PXMP2: variants seen among roughly 807,000 people sequenced by gnomAD.
The protein encoded by PXMP2 is 22 kDa peroxisomal membrane protein.
PXMP2 carries 13 observed loss-of-function variants against 20.2 expected under a neutral mutation model. The ratio of observed to expected loss-of-function variants is 0.64; its 90% CI spans 0.42 to 1.02. PXMP2 has a LOEUF of 1.02. Among genes scored for constraint, PXMP2 ranks in the 50% least tolerant of loss-of-function variants. The pLI, the probability that PXMP2 is intolerant of heterozygous loss-of-function variation, is 0.00. For missense variants in PXMP2, 284 were observed against 251.8 expected (o/e 1.13, Z -0.87); for synonymous variants, 113 against 111.2 (o/e 1.02, Z -0.10).
chr12:132,691,801 C>T lies in PXMP2; in HGVS notation c.236+1425C>T, dbSNP rs143936618. Among the ~76,000 whole-genome samples the T allele has an allele frequency of 3.4e-3, 517 of 152,324 alleles. 4 individuals are homozygous for T. Among genetic ancestry groups the T allele is most frequent in the African/African-American group, 0.012 (489 of 41,574 alleles). ...GAACCACTTATCTAAAGACTGTCAA[C>T]GTCACAAGTTGAAAGACCCCTCTTT... On this transcript the variant is annotated intron_variant, in intron 2 of 4. Transcript: ENST00000317479.
chr12:132,691,828 TG>T (rs2043368607), intron 2 of PXMP2, among the ~76,000 whole-genome samples: 1 of 152,244 alleles, frequency 6.6e-6, no homozygotes, highest in Non-Finnish European at 1.5e-5. Context: ...CCCCTCTTTT[TG>T]TTGCTGAATT....
chr12:132,691,873 G>T (rs887575471), intron 2 of PXMP2, among the ~76,000 whole-genome samples: 3 of 152,248 alleles, frequency 2.0e-5, no homozygotes, highest in African/African-American at 7.2e-5. Context: ...CCCAGTAGAT[G>T]TGGCAGCTGG....
At chr12:132,703,718 C>T (rs1187878423) in intron 4 of PXMP2, among the ~76,000 whole-genome samples, 4 of 151,942 alleles carry the variant, frequency 2.6e-5, no homozygotes, top group African/African-American at 9.7e-5. Flanking sequence ...ACAAAGACCT[C>T]TGGGCAGAGG....
At chr12:132,699,928 T>C (rs148327429) in intron 3 of PXMP2, among the ~76,000 whole-genome samples, 199 of 152,312 alleles carry the variant, frequency 1.3e-3, no homozygotes, top group Non-Finnish European at 2.0e-3. Flanking sequence ...TTTCAGGTCT[T>C]TGAGAAATTT....
At chr12:132,699,875 A>G (rs2043429224) in intron 3 of PXMP2, among the ~76,000 whole-genome samples, 1 of 152,058 alleles carries the variant, frequency 6.6e-6, no homozygotes, top group Admixed American at 6.6e-5. Context: ...TCCTTTGGGT[A>G]GAGGCCCAGT....
At chr12:132,700,677 G>A (rs576781563) in intron 3 of PXMP2, among the ~76,000 whole-genome samples, 7 of 152,118 alleles carry the variant, frequency 4.6e-5, no homozygotes, top group Admixed American at 4.6e-4. Flanking sequence ...GTTTAATGAA[G>A]TCCTGTTTGT....
chr12:132,698,972 G>A (rs900564781), intron 3 of PXMP2, among the ~76,000 whole-genome samples: 1 of 152,098 alleles, frequency 6.6e-6, no homozygotes, highest in African/African-American at 2.4e-5. Flanking sequence ...TTTTTAGTTT[G>A]TATATATTTA....
intron 1 of PXMP2, 111 bp downstream of exon 1, chr12:132,687,903 C>A: frequency 9.9e-7 from 1 of 1,010,092 alleles, no homozygotes; most frequent in South Asian, 4.7e-5. Flanking sequence ...GCGCCCGGGT[C>A]AGAACCCCCG....
chr12:132,702,372 G>C (rs1190198403), intron 4 of PXMP2: 1 of 262,748 alleles, frequency 3.8e-6, no homozygotes, highest in Non-Finnish European at 8.0e-6. Flanking sequence ...CTGGGCTGGT[G>C]GTGTGGAGGC....
In PXMP2 at chr12:132,696,082, G is replaced by A. The variant is rs756859871; in HGVS notation, c.399+36G>A. 7 of 1,552,786 alleles carry A rather than the reference G, an allele frequency of 4.5e-6. No homozygotes were observed. Among genetic ancestry groups the A allele is most frequent in the South Asian group, 2.4e-5 (2 of 82,514 alleles). On this transcript the variant is annotated intron_variant, in intron 3 of 4. Coordinates refer to ENST00000317479, the MANE Select transcript of PXMP2 (RefSeq NM_018663.3). This position sits in a 1 kb window ranked among gnomAD's most constrained non-coding sequence, Gnocchi z 4.4. ...GCCACAGCACTTACTGCAGCTCTTCGTTTAGCACAGGGATTCTTCACCTGA... is the reference window on the plus strand; with the variant it reads ...GCCACAGCACTTACTGCAGCTCTTCATTTAGCACAGGGATTCTTCACCTGA...
rs762956531 is a variant in PXMP2 at position 132,701,258 on chromosome 12, C to T, written c.408C>T (p.Asp136=). The T allele has an allele frequency of 8.1e-6, 13 of 1,613,586 alleles. No homozygotes were observed. In the Admixed American group the frequency reaches 1.2e-4, roughly 15 times the overall value. Residue 136 remains aspartate, a synonymous_variant, in exon 4 of 5, where the codon GAC becomes GAT. Coordinates refer to ENST00000317479, the MANE Select transcript of PXMP2 (RefSeq NM_018663.3). Reference sequence around the variant, plus strand: ...CCTTCCCTCCTTTGCAGGGGAAAGACGCCTCAGCCTTCGCCGCCAAGATGA... The same window carrying T: ...CCTTCCCTCCTTTGCAGGGGAAAGATGCCTCAGCCTTCGCCGCCAAGATGA... ...FLIMNFLEGK[D]ASAFAAKMRG... is the part of the protein sequence containing the mutation.
chr12:132,704,134 A>G (rs1277379367), intron 4 of PXMP2, among the ~76,000 whole-genome samples: 3 of 152,178 alleles, frequency 2.0e-5, no homozygotes, highest in Non-Finnish European at 4.4e-5. Flanking sequence ...TGCCAGGGAG[A>G]GACTCAGCAC....
At chr12:132,695,827 C>A in intron 2 of PXMP2, 57 bp from the exon 3 acceptor site, 1 of 1,533,094 alleles carries the variant, frequency 6.5e-7, no homozygotes, top group South Asian at 1.3e-5. Context: ...GAAGCTAGAC[C>A]AGAGAAGAGC....
rs879892393 is a variant in PXMP2, at chr12:132,700,216, A to AT, written c.400-1022dup. Among the ~76,000 whole-genome samples, 692 of 141,854 alleles carry AT rather than the reference A, an allele frequency of 4.9e-3. 3 individuals carry two copies. The highest frequency in any genetic ancestry group is 0.012 in the African/African-American group (483 of 38,846). The allele number at this position is 141,854 out of a possible 152,430, so 93.1% of individuals were successfully genotyped here. On this transcript the variant is annotated intron_variant, in intron 3 of 4. Transcript: ENST00000317479. ...GCCACCATGCCCAACTAATTTTTGT[A>AT]TTTTTTTTTTTTGGTAGAGACAGGG...
Position 132,687,743 on chromosome 12 carries a change from T to A in PXMP2, c.73T>A (p.Tyr25Asn), listed in dbSNP as rs1344076187. The A allele has an allele frequency of 2.5e-6, 3 of 1,222,182 alleles. No individual in the cohort carries two copies. In the East Asian group the frequency reaches 1.2e-4, roughly 49 times the overall value. 75.7% of individuals were successfully genotyped at this position (1,222,182 alleles called of 1,614,324 possible). ...GALPRRALAQYLLFLRLYPVL... is the reference protein window; with the variant it reads ...GALPRRALAQNLLFLRLYPVL... ...GCTGCCGCGGCGGGCGCTCGCCCAG[T>A]ACCTGCTCTTCCTGCGGCTCTACCC... The change falls in exon 1 of 5, where the codon TAC becomes AAC. Residue 25 changes from tyrosine (Y) to asparagine (N), a missense_variant. By Grantham distance (143) the Tyr-to-Asn change is moderately radical (BLOSUM62 -2). Coordinates refer to ENST00000317479, the MANE Select transcript of PXMP2 (RefSeq NM_018663.3).
intron 4 of PXMP2, 43 bp from the exon 5 acceptor site, chr12:132,704,576 G>A (rs763244435): frequency 1.4e-6 from 2 of 1,384,470 alleles, no homozygotes; most frequent in Non-Finnish European, 1.9e-6. Flanking sequence ...ACTGGCCACG[G>A]CCTCCCGCTG....
intron 2 of PXMP2, among the ~76,000 whole-genome samples, chr12:132,691,051 ATTTT>A (rs35869908): frequency 1.5e-5 from 2 of 133,732 alleles, no homozygotes; most frequent in Non-Finnish European, 1.6e-5. Context: ...TGTTATTTTA[ATTTT>A]TTTTTTTTTT....
chr12:132,692,522 GCCA>G (rs2043376091), intron 2 of PXMP2, among the ~76,000 whole-genome samples: 1 of 48,084 alleles, frequency 2.1e-5, no homozygotes, highest in Admixed American at 1.8e-4. Flanking sequence ...GAGCTCCCTT[GCCA>G]GTTAGTTAGT....
chr12:132,702,817 C>T (rs1197540865), intron 4 of PXMP2, among the ~76,000 whole-genome samples: 5 of 152,286 alleles, frequency 3.3e-5, no homozygotes, highest in Admixed American at 6.5e-5. Context: ...GCATTAGCAC[C>T]GGCTCTGAGC....
Sources: allele counts gnomAD v4.1 joint callset (sites outside exome capture counted in the v4.1 genomes callset), GRCh38; gene constraint gnomAD v4.1.1; non-coding constraint Gnocchi (gnomAD v3.1); transcripts MANE v1.5; gene names NCBI Gene and HGNC (gene_info 2026-07-23, HGNC 2026-07-21).